NUDT3: variants seen among roughly 807,000 people sequenced by gnomAD.
NUDT3 encodes nudix hydrolase 3, also known as diphosphoinositol polyphosphate phosphohydrolase 1.
In NUDT3, 9 loss-of-function variants were observed where a neutral mutation model predicts 23.6. That is an observed-to-expected ratio of 0.38 (90% CI 0.23 to 0.66). The LOEUF is 0.66. Among genes scored for constraint, NUDT3 ranks in the 30% least tolerant of loss-of-function variants. The pLI, the probability that NUDT3 is intolerant of heterozygous loss-of-function variation, is 0.52. For synonymous variants in NUDT3, 86 were observed against 82.6 expected, an observed-to-expected ratio of 1.04 and a Z score of -0.22; for missense variants, 172 against 218.5, an observed-to-expected ratio of 0.79 and a Z score of 1.34.
intron 1 of NUDT3, among the ~76,000 whole-genome samples, chr6:34,348,636 C>A (rs1049852767): frequency 4.0e-5 from 6 of 151,876 alleles, no homozygotes; most frequent in Admixed American, 2.6e-4. Flanking sequence ...ATTAGCCGGG[C>A]GTGGTGGCGG....
rs561878693 is a variant in NUDT3, at chr6:34,386,583, G to GA, written c.99+5680dup. ...ATAAATAAAGTTTTCTGGGGCTGGG[G>GA]AAAAAAAAAACCTAGAATGATAGGT... On this transcript the variant is annotated intron_variant, in intron 1 of 4. Coordinates refer to ENST00000607016, the MANE Select transcript of NUDT3 (RefSeq NM_006703.4). Among the ~76,000 whole-genome samples the GA allele has an allele frequency of 9.7e-3, 1,435 of 147,566 alleles. 15 individuals are homozygous for GA. Among genetic ancestry groups the GA allele is most frequent in the Middle Eastern group, 0.024 (7 of 290 alleles).
intron 1 of NUDT3, among the ~76,000 whole-genome samples, chr6:34,381,192 T>C (rs1765011859): frequency 6.6e-6 from 1 of 152,006 alleles, no homozygotes; most frequent in African/African-American, 2.4e-5. Flanking sequence ...AATTTTTAAA[T>C]TTTTTTATAG....
chr6:34,295,184 T>G (rs1390633174), intron 3 of NUDT3, among the ~76,000 whole-genome samples: 3 of 152,056 alleles, frequency 2.0e-5, no homozygotes. Context: ...TTTCTTTCTT[T>G]TTTTTTTAAA....
chr6:34,311,365 T>G (rs1193066816), intron 2 of NUDT3, among the ~76,000 whole-genome samples: 4 of 152,088 alleles, frequency 2.6e-5, no homozygotes, highest in Non-Finnish European at 5.9e-5. Context: ...AATAATTAGG[T>G]ATAAATTTAA....
rs551316950 is a variant in NUDT3, at chr6:34,282,410, G to C, written c.*6343C>G. 1 of 152,232 alleles carries C rather than the reference G, an allele frequency of 6.6e-6. No individual in the cohort carries two copies. Among genetic ancestry groups the C allele is most frequent in the African/African-American group, 2.4e-5 (1 of 41,548 alleles). 9.4% of individuals were successfully genotyped at this position (152,232 alleles called of 1,614,324 possible). Reference sequence around the variant, plus strand: ...GCCACGCGCCCCACCCTACAGGGAGGGGAGTAGAATCTTATGGCCCAGCAT... The same window carrying C: ...GCCACGCGCCCCACCCTACAGGGAGCGGAGTAGAATCTTATGGCCCAGCAT... On this transcript the variant is annotated 3_prime_UTR_variant, in exon 5 of 5. Coordinates refer to ENST00000607016, the MANE Select transcript of NUDT3 (RefSeq NM_006703.4).
intron 1 of NUDT3, among the ~76,000 whole-genome samples, chr6:34,351,198 T>TAAAAAAAAAAAAAAAGAAAAAAAAAAAA (rs1764462983): frequency 5.6e-5 from 1 of 17,894 alleles, no homozygotes; most frequent in African/African-American, 1.8e-4. Flanking sequence ...CTCCCCTGCC[T>TAAAAAAAAAAAAAAAGAAAAAAAAAAAA]AAAAAAAAAA....
At chr6:34,308,908 A>G (rs573474381) in intron 2 of NUDT3, among the ~76,000 whole-genome samples, 4 of 152,352 alleles carry the variant, frequency 2.6e-5, no homozygotes, top group African/African-American at 9.6e-5. Flanking sequence ...AATCAAATTG[A>G]CATAAGTGAC....
At position 34,347,850 on chromosome 6, in the gene NUDT3, C is replaced by T. The variant is rs146930062; in HGVS notation, c.100-5878G>A. On this transcript the variant is annotated intron_variant, in intron 1 of 4. Transcript: ENST00000607016. ...GTGATAATGAAAAGAGATACCTGCCCGGACGTACTGGCTCATACCTGTAAA... is the reference window on the plus strand; with the variant it reads ...GTGATAATGAAAAGAGATACCTGCCTGGACGTACTGGCTCATACCTGTAAA... 1.2e-3 allele frequency among the ~76,000 whole-genome samples: 179 copies of T among 151,942 alleles called. 5 individuals carry two copies. The East Asian group carries it at 0.029, about 25-fold the overall frequency.
intron 2 of NUDT3, among the ~76,000 whole-genome samples, chr6:34,331,567 C>T (rs1023151649): frequency 2.2e-4 from 34 of 152,242 alleles, no homozygotes; most frequent in Admixed American, 7.2e-4. Context: ...CACAGAAGTA[C>T]TATTAGGATA....
chr6:34,383,479 C>T (rs1471214106), intron 1 of NUDT3, among the ~76,000 whole-genome samples: 1 of 152,100 alleles, frequency 6.6e-6, no homozygotes, highest in Non-Finnish European at 1.5e-5. Context: ...CCTAGACATC[C>T]CCAGCTCAAG....
At chr6:34,389,856 C>T (rs368065614) in intron 1 of NUDT3, among the ~76,000 whole-genome samples, 1 of 151,476 alleles carries the variant, frequency 6.6e-6, no homozygotes, top group Non-Finnish European at 1.5e-5. Flanking sequence ...CCCAGCTGCT[C>T]GGGAGGCTAA....
intron 1 of NUDT3, among the ~76,000 whole-genome samples, chr6:34,369,314 G>A (rs562345167): frequency 1.2e-4 from 18 of 151,996 alleles, no homozygotes; most frequent in Non-Finnish European, 2.4e-4. Context: ...ATTTACAAAA[G>A]GATACTTGAA....
In NUDT3 at chr6:34,288,807, G is replaced by A. The variant is rs201234064; in HGVS notation, c.465C>T (p.Val155=). 5 of 1,613,946 alleles carry A rather than the reference G, an allele frequency of 3.1e-6. No homozygotes were observed. Among genetic ancestry groups the A allele is most frequent in the African/African-American group, 1.3e-5 (1 of 74,880 alleles). The change falls in exon 5 of 5, where the codon GTC becomes GTT. Residue 155 remains valine (V), a synonymous_variant. Coordinates refer to ENST00000607016, the MANE Select transcript of NUDT3 (RefSeq NM_006703.4). ...CAGAAACCGAGTATGTGGTGGCCAC[G>A]ACTGGGGTGCCATTGTTGGCTGAGT... The part of the protein sequence containing the change: ...QGYSANNGTP[V]VATTYSVSAQ...
intron 1 of NUDT3, among the ~76,000 whole-genome samples, chr6:34,353,947 A>C (rs1469850840): frequency 6.6e-6 from 1 of 151,460 alleles, no homozygotes; most frequent in East Asian, 1.9e-4. Flanking sequence ...GAGTTGCCCA[A>C]GCTGGAGTGC....
intron 1 of NUDT3, among the ~76,000 whole-genome samples, chr6:34,343,410 C>T (rs934623154): frequency 2.6e-5 from 4 of 151,052 alleles, no homozygotes; most frequent in African/African-American, 9.7e-5. Context: ...AAAAATTAGC[C>T]AGGCTTAGTG....
intron 2 of NUDT3, among the ~76,000 whole-genome samples, chr6:34,310,719 A>G (rs770758164): frequency 1.4e-4 from 22 of 152,192 alleles, no homozygotes; most frequent in African/African-American, 5.3e-4. Context: ...CCTCATACCA[A>G]AACAGGACAA....
chr6:34,351,216 A>AAAAAAAAAAAAAAAAAAC (rs1561915130), intron 1 of NUDT3, among the ~76,000 whole-genome samples: 2 of 130,728 alleles, frequency 1.5e-5, no homozygotes, highest in African/African-American at 6.7e-5. Context: ...AAAAAAAAAA[A>AAAAAAAAAAAAAAAAAAC]AAAAAAAAAA....
intron 2 of NUDT3, among the ~76,000 whole-genome samples, chr6:34,325,859 C>T (rs1764019403): frequency 1.3e-5 from 2 of 152,194 alleles, no homozygotes; most frequent in Admixed American, 6.5e-5. Context: ...AACATACAAT[C>T]TGTCTTAGGG....
chr6:34,365,394 A>AC (rs1764711859), intron 1 of NUDT3, among the ~76,000 whole-genome samples: 1 of 152,128 alleles, frequency 6.6e-6, no homozygotes. Flanking sequence ...GCGCCACTGC[A>AC]CTCCAGCCTG....
Sources: gnomAD v4.1 joint callset for allele counts (sites outside exome capture counted in the v4.1 genomes callset) on GRCh38, gnomAD v4.1.1 for gene constraint, MANE v1.5 for transcripts, NCBI Gene and HGNC (gene_info 2026-07-23, HGNC 2026-07-21) for gene names.